SPRED1: variants seen among roughly 807,000 people sequenced by gnomAD.
The protein encoded by SPRED1 is sprouty related EVH1 domain containing 1.
A neutral mutation model predicts 52.3 loss-of-function variants in SPRED1; 18 were observed. The observed-to-expected ratio is 0.34, with a 90% CI of 0.24 to 0.51. The LOEUF (loss-of-function observed/expected upper bound fraction) is 0.51, where lower values mean the gene tolerates loss of function less well. Among genes scored for constraint, SPRED1 ranks in the 20% least tolerant of loss-of-function variants. SPRED1 has a pLI of 0.97. For missense variants in SPRED1, 485 were observed against 551.0 expected (o/e 0.88, Z 1.20); for synonymous variants, 155 against 179.7 (o/e 0.86, Z 1.10).
intron 1 of SPRED1, among the ~76,000 whole-genome samples, chr15:38,266,698 TATC>T (rs1894314604): frequency 6.6e-6 from 1 of 152,028 alleles, no homozygotes; most frequent in Non-Finnish European, 1.5e-5. Context: ...AACTTTGTAT[TATC>T]ATTTTTAAAG....
chr15:38,261,602 C>G (rs1894207374), intron 1 of SPRED1, among the ~76,000 whole-genome samples: 1 of 152,092 alleles, frequency 6.6e-6, no homozygotes, highest in African/African-American at 2.4e-5. Flanking sequence ...TAGACGGAGT[C>G]TTGCTCTGTC....
intron 1 of SPRED1, among the ~76,000 whole-genome samples, chr15:38,280,901 C>G (rs1341130763): frequency 6.6e-6 from 1 of 152,178 alleles, no homozygotes; most frequent in Non-Finnish European, 1.5e-5. Flanking sequence ...CCTAAACATC[C>G]ATATCTCAAA....
chr15:38,257,550 A>T (rs767994646), intron 1 of SPRED1, among the ~76,000 whole-genome samples: 3 of 152,170 alleles, frequency 2.0e-5, no homozygotes, highest in Non-Finnish European at 4.4e-5. Flanking sequence ...ATCAGGCTTA[A>T]AAACTGTCCT....
At chr15:38,266,442 C>A (rs1894308281) in intron 1 of SPRED1, among the ~76,000 whole-genome samples, 1 of 151,972 alleles carries the variant, frequency 6.6e-6, no homozygotes. Context: ...GAGTTGGAGA[C>A]CAGCCTGGGC....
chr15:38,333,315 G>A (rs1170988679), intron 4 of SPRED1, among the ~76,000 whole-genome samples: 1 of 152,048 alleles, frequency 6.6e-6, no homozygotes, highest in African/African-American at 2.4e-5. Flanking sequence ...TGTCATTGTT[G>A]GGCAGAGGAA....
intron 4 of SPRED1, among the ~76,000 whole-genome samples, chr15:38,335,313 T>C (rs1302420414): frequency 6.6e-6 from 1 of 152,120 alleles, no homozygotes; most frequent in East Asian, 1.9e-4. Flanking sequence ...GAAAAACCAA[T>C]TAGATTTGCC....
At chr15:38,286,301 A>G (rs957271267) in intron 1 of SPRED1, among the ~76,000 whole-genome samples, 1 of 146,206 alleles carries the variant, frequency 6.8e-6, no homozygotes, top group Non-Finnish European at 1.5e-5. Context: ...TATCAATTTT[A>G]TATTATTTTT....
chr15:38,318,793 C>G lies in SPRED1; in HGVS notation c.208-3448C>G, dbSNP rs376700528. On this transcript the variant is annotated intron_variant, in intron 2 of 6. Transcript: ENST00000299084. ...TTCTTCTGTATGTCTGTTTAGTATC[C>G]CATGGTATATGTTTTATAAGTATAT... Among the ~76,000 whole-genome samples, 8 of 152,170 alleles carry G rather than the reference C, an allele frequency of 5.3e-5. No individual in the cohort carries two copies. The East Asian group carries it at 1.5e-3, about 29-fold the overall frequency.
chr15:38,264,803 G>A (rs953358273), intron 1 of SPRED1, among the ~76,000 whole-genome samples: 3 of 152,052 alleles, frequency 2.0e-5, no homozygotes, highest in African/African-American at 7.2e-5. Flanking sequence ...GAAAAGGGAA[G>A]GGTTTAGCTG....
chr15:38,326,561 A>T (rs1895712838), intron 4 of SPRED1, among the ~76,000 whole-genome samples: 1 of 152,210 alleles, frequency 6.6e-6, no homozygotes, highest in African/African-American at 2.4e-5. Context: ...GAAACTTTCG[A>T]TTGAAGTAGT....
chr15:38,304,730 C>T (rs1355428616), intron 2 of SPRED1, among the ~76,000 whole-genome samples: 1 of 152,062 alleles, frequency 6.6e-6, no homozygotes, highest in Non-Finnish European at 1.5e-5. Flanking sequence ...CTCGTTGTTA[C>T]CCAGAACTGT....
At chr15:38,303,067 C>T (rs1243999907) in intron 2 of SPRED1, among the ~76,000 whole-genome samples, 1 of 152,056 alleles carries the variant, frequency 6.6e-6, no homozygotes, top group Non-Finnish European at 1.5e-5. Flanking sequence ...GCCTGTAGTC[C>T]CAGCTACTCA....
intron 1 of SPRED1, among the ~76,000 whole-genome samples, chr15:38,293,098 A>AATTTTTTTTTTTT (rs1566857726): frequency 4.9e-5 from 1 of 20,208 alleles, no homozygotes; most frequent in Non-Finnish European, 1.2e-4. Flanking sequence ...CAAGATTACA[A>AATTTTTTTTTTTT]CTTTTTTTTT....
intron 1 of SPRED1, among the ~76,000 whole-genome samples, chr15:38,291,739 A>C (rs572551344): frequency 6.6e-6 from 1 of 152,290 alleles, no homozygotes; most frequent in African/African-American, 2.4e-5. Flanking sequence ...GCTGGTACAC[A>C]GGACATGAAG....
intron 1 of SPRED1, 22 bp downstream of exon 1, chr15:38,253,239 A>G: frequency 6.4e-7 from 1 of 1,564,414 alleles, no homozygotes; most frequent in East Asian, 2.4e-5. Context: ...ATTGATCTCG[A>G]TTGCTAATCC....
chr15:38,313,126 C>T (rs1289902122), intron 2 of SPRED1, among the ~76,000 whole-genome samples: 2 of 151,928 alleles, frequency 1.3e-5, no homozygotes, highest in Non-Finnish European at 2.9e-5. Flanking sequence ...TTCCTAAGAA[C>T]AAGGATATTC....
intron 4 of SPRED1, among the ~76,000 whole-genome samples, chr15:38,328,566 G>A (rs1433243092): frequency 6.6e-6 from 1 of 152,108 alleles, no homozygotes; most frequent in African/African-American, 2.4e-5. Context: ...GTGTAGTATA[G>A]TGCTAATCAC....
chr15:38,276,210 GTT>G (rs536478144), intron 1 of SPRED1, among the ~76,000 whole-genome samples: 44 of 121,122 alleles, frequency 3.6e-4, no homozygotes, highest in Non-Finnish European at 4.1e-4. Flanking sequence ...TGCTGTGAAT[GTT>G]TTTTTTTTTT....
chr15:38,318,898 C>G (rs549709989), intron 2 of SPRED1, among the ~76,000 whole-genome samples: 1 of 152,182 alleles, frequency 6.6e-6, no homozygotes, highest in South Asian at 2.1e-4. Flanking sequence ...GTGAATAGTG[C>G]TTGAACTTAT....
Sources: gnomAD v4.1 joint callset for allele counts (sites outside exome capture counted in the v4.1 genomes callset) on GRCh38, gnomAD v4.1.1 for gene constraint, MANE v1.5 for transcripts, NCBI Gene and HGNC (gene_info 2026-07-23, HGNC 2026-07-21) for gene names.